The following C11orf98 variants were observed in gnomAD, a reference collection of about 807,000 sequenced individuals.
C11orf98 encodes 28S rRNA/ribosome and sororin micro-cofactor.
A neutral mutation model predicts 10.9 loss-of-function variants in C11orf98; 7 were observed. The observed-to-expected ratio is 0.64, with a 90% CI of 0.37 to 1.21. C11orf98 has a LOEUF of 1.21. Among genes scored for constraint, C11orf98 ranks in the 50% most tolerant of loss-of-function variants. C11orf98 has a pLI of 0.02. For missense variants in C11orf98, 181 were observed against 153.7 expected, an observed-to-expected ratio of 1.18 and a Z score of -0.94; for synonymous variants, 70 against 57.2, an observed-to-expected ratio of 1.22 and a Z score of -1.01.
In C11orf98 at chr11:62,663,153, G is replaced by A; in HGVS notation, c.269C>T (p.Ala90Val). The change falls in exon 4 of 4, where the codon GCC becomes GTC. Residue 90 changes from alanine (A) to valine (V), a missense_variant. By Grantham distance (64) the Ala-to-Val change is moderately conservative. Transcript: ENST00000524958. ...QKEKTAMEVE[A>V]PSKPARTSEP... ...ACTAGTCCTGGCTGGCTTTGAAGGG[G>A]CTTCCACTGAGTAAAGGGAAGAAGG... The A allele has an allele frequency of 6.2e-7, 1 of 1,614,036 alleles. No homozygotes were observed. Among genetic ancestry groups the A allele is most frequent in the Non-Finnish European group, 8.5e-7 (1 of 1,179,926 alleles).
At chr11:62,663,422 A>C in intron 2 of C11orf98, 89 bp from the exon 3 acceptor site, 1 of 1,385,876 alleles carries the variant, frequency 7.2e-7, no homozygotes, top group Non-Finnish European at 9.9e-7. Flanking sequence ...AAAGTATTAA[A>C]TAGGCTGGGC....
chr11:62,663,249 C>A lies in C11orf98; in HGVS notation c.249G>T (p.Lys83Asn). 6.2e-7 allele frequency: 1 copy of A among 1,614,186 alleles called. No homozygotes were observed. The highest frequency in any genetic ancestry group is 8.5e-7 in the Non-Finnish European group (1 of 1,180,044). ...LQQIRLAQKE[K>N]TAMEVEAPSK... is the part of the protein sequence containing the mutation. ...TCCCAGCCTCACCTTCCATGGCTGTCTTCTCTTTCTGGGCAAGCCGGATCT... is the reference window on the plus strand; with the variant it reads ...TCCCAGCCTCACCTTCCATGGCTGTATTCTCTTTCTGGGCAAGCCGGATCT... Residue 83 changes from lysine to asparagine, a missense_variant, in exon 3 of 4, where the codon AAG (lysine) becomes AAT (asparagine). By Grantham distance (94) the Lys-to-Asn change is moderately conservative. Coordinates refer to ENST00000524958, the MANE Select transcript of C11orf98 (RefSeq NM_001286086.2).
chr11:62,664,218 C>T (rs1329714269), intron 2 of C11orf98, among the ~76,000 whole-genome samples: 2 of 151,026 alleles, frequency 1.3e-5, no homozygotes, highest in African/African-American at 2.4e-5. Flanking sequence ...GAGTTTTATG[C>T]GCCTATGTGT....
rs773133062 is a variant in C11orf98, at chr11:62,663,001, A to C, written c.*49T>G. ...TTTGTCAAAGTCCTCTGAAACAACC[A>C]CTGAGTCTGAAGGCTGGCTCCAGTT... On this transcript the variant is annotated 3_prime_UTR_variant, in exon 4 of 4. Coordinates refer to ENST00000524958, the MANE Select transcript of C11orf98 (RefSeq NM_001286086.2). The C allele has an allele frequency of 1.9e-4, 265 of 1,411,422 alleles. No homozygotes were observed. The highest frequency in any genetic ancestry group is 7.7e-4 in the Middle Eastern group (3 of 3,908). The allele number at this position is 1,411,422 out of a possible 1,614,324, so 87.4% of individuals were successfully genotyped here. A position where few individuals can be genotyped will look rare whatever the true frequency, so the allele number is the denominator to read the frequency against.
At position 62,664,890 on chromosome 11, in the gene C11orf98, T is replaced by C; in HGVS notation, c.123A>G (p.Ile41Met). ...RLRHRVVGAV[I>M]DQGLITRHHL... ...GGTGCCGCGTGATCAGCCCTTGGTC[T>C]ATCACAGCCCCGACCACCCGGTGCC... is the stretch of plus-strand genomic sequence containing the variant. The change falls in exon 2 of 4, where the codon ATA becomes ATG. Residue 41 changes from isoleucine to methionine, a missense_variant. Coordinates refer to ENST00000524958, the MANE Select transcript of C11orf98 (RefSeq NM_001286086.2). The C allele has an allele frequency of 1.9e-6, 3 of 1,589,712 alleles. No individual in the cohort carries two copies. In the South Asian group the frequency reaches 3.4e-5, roughly 18 times the overall value.
At chr11:62,664,723 G>T in intron 2 of C11orf98, 126 bp downstream of exon 2, 2 of 1,272,764 alleles carry the variant, frequency 1.6e-6, no homozygotes, top group Non-Finnish European at 2.2e-6. Flanking sequence ...ACTAACAGCC[G>T]ACAGACATTC....
chr11:62,665,071 G>C (rs1269933795), intron 1 of C11orf98, 60 bp downstream of exon 1: 1 of 1,548,946 alleles, frequency 6.5e-7, no homozygotes, highest in Non-Finnish European at 8.7e-7. Context: ...CCCATCTCGT[G>C]CGAGATAAAA....
chr11:62,664,323 ATTCT>A (rs1285402391), intron 2 of C11orf98, among the ~76,000 whole-genome samples: 7 of 124,058 alleles, frequency 5.6e-5, no homozygotes, highest in Admixed American at 2.8e-4. Context: ...ATTTCCTGAT[ATTCT>A]TTTTTTTTTT....
intron 3 of C11orf98, 38 bp downstream of exon 3, chr11:62,663,198 T>C (rs774795533): frequency 4.6e-5 from 75 of 1,613,684 alleles, no homozygotes; most frequent in Non-Finnish European, 6.2e-5. Flanking sequence ...CCCAAATAAA[T>C]CCAGGATTCC....
chr11:62,663,132 G>C lies in C11orf98; in HGVS notation c.290C>G (p.Thr97Ser). ...TTGCCTTTTGAGCTGTGGTTCACTA[G>C]TCCTGGCTGGCTTTGAAGGGGCTTC... ...EVEAPSKPAR[T>S]SEPQLKRQKK... Residue 97 changes from threonine (T) to serine (S), a missense_variant, in exon 4 of 4, where the codon ACT becomes AGT. Thr to Ser is a moderately conservative substitution (Grantham distance 58). Transcript: ENST00000524958. 6.2e-7 allele frequency: 1 copy of C among 1,614,112 alleles called. No homozygotes were observed. The highest frequency in any genetic ancestry group is 8.5e-7 in the Non-Finnish European group (1 of 1,179,990).
In C11orf98 at chr11:62,663,013, G is replaced by T. The variant is rs756236311; in HGVS notation, c.*37C>A. ...CTCTGAAACAACCACTGAGTCTGAA[G>T]GCTGGCTCCAGTTGAGAATCTTCTA... is the stretch of plus-strand genomic sequence containing the variant. On this transcript the variant is annotated 3_prime_UTR_variant, in exon 4 of 4. Coordinates refer to ENST00000524958, the MANE Select transcript of C11orf98 (RefSeq NM_001286086.2). 1 of 1,476,188 alleles carries T rather than the reference G, an allele frequency of 6.8e-7. No homozygotes were observed. Among genetic ancestry groups the T allele is most frequent in the Non-Finnish European group, 9.4e-7 (1 of 1,067,240 alleles). The allele number at this position is 1,476,188 out of a possible 1,614,324, so 91.4% of individuals were successfully genotyped here.
rs539060909 is a variant in C11orf98 at position 62,663,407 on chromosome 11, T to C, written c.165-74A>G. 3.2e-5 allele frequency: 47 copies of C among 1,476,406 alleles called. No individual in the cohort carries two copies. The South Asian group carries it at 4.9e-4, about 15-fold the overall frequency. The allele number at this position is 1,476,406 out of a possible 1,614,324, so 91.5% of individuals were successfully genotyped here. A position where few individuals can be genotyped will look rare whatever the true frequency, so the allele number is the denominator to read the frequency against. ...GAGGTCACACAAATAGTTCTGGCTA[T>C]AGAAAAAGTATTAAATAGGCTGGGC... On this transcript the variant is annotated intron_variant, in intron 2 of 3. Transcript: ENST00000524958.
At position 62,663,261 on chromosome 11, in the gene C11orf98, G is replaced by A; in HGVS notation, c.237C>T (p.Ala79=). ...CTTCCATGGCTGTCTTCTCTTTCTGGGCAAGCCGGATCTGCTGGAGGAGTT... is the reference window on the plus strand; with the variant it reads ...CTTCCATGGCTGTCTTCTCTTTCTGAGCAAGCCGGATCTGCTGGAGGAGTT... ...RRKLLQQIRL[A]QKEKTAMEVE... The change falls in exon 3 of 4, where the codon GCC becomes GCT. Residue 79 remains alanine (A), a synonymous_variant. Coordinates refer to ENST00000524958, the MANE Select transcript of C11orf98 (RefSeq NM_001286086.2). 9 of 1,614,140 alleles carry A rather than the reference G, an allele frequency of 5.6e-6. No individual in the cohort carries two copies. Among genetic ancestry groups the A allele is most frequent in the Non-Finnish European group, 7.6e-6 (9 of 1,180,026 alleles).
chr11:62,664,980 G>A lies in C11orf98; in HGVS notation c.40-7C>T, dbSNP rs780030744. The A allele has an allele frequency of 2.5e-6, 4 of 1,610,266 alleles. No homozygotes were observed. The highest frequency in any genetic ancestry group is 3.4e-6 in the Non-Finnish European group (4 of 1,179,790). On this transcript the variant is annotated splice_region_variant and splice_polypyrimidine_tract_variant and intron_variant, in intron 1 of 3. Transcript: ENST00000524958. ...ACAGCTTCTTCTTCAGCTCCTGCCG[G>A]GGAGAAAGATGCGAATCAGATGGAG... is the stretch of plus-strand genomic sequence containing the variant.
Position 62,663,014 on chromosome 11 carries a change from G to A in C11orf98, c.*36C>T, listed in dbSNP as rs780394568. ...TCTGAAACAACCACTGAGTCTGAAGGCTGGCTCCAGTTGAGAATCTTCTAG... is the reference window on the plus strand; with the variant it reads ...TCTGAAACAACCACTGAGTCTGAAGACTGGCTCCAGTTGAGAATCTTCTAG... On this transcript the variant is annotated 3_prime_UTR_variant, in exon 4 of 4. Transcript: ENST00000524958. 9 of 1,476,458 alleles carry A rather than the reference G, an allele frequency of 6.1e-6. No individual in the cohort carries two copies. The highest frequency in any genetic ancestry group is 3.7e-6 in the Non-Finnish European group (4 of 1,067,522). 91.5% of individuals were successfully genotyped at this position (1,476,458 alleles called of 1,614,324 possible). A position where few individuals can be genotyped will look rare whatever the true frequency, so the allele number is the denominator to read the frequency against.
At chr11:62,664,680 A>T (rs1944746084) in intron 2 of C11orf98, among the ~76,000 whole-genome samples, 169 bp downstream of exon 2, 1 of 152,148 alleles carries the variant, frequency 6.6e-6, no homozygotes, top group Non-Finnish European at 1.5e-5. Context: ...GTTGTCTGCT[A>T]CAGGTATTGT....
intron 3 of C11orf98, 35 bp downstream of exon 3, chr11:62,663,201 A>G (rs1944699698): frequency 6.2e-7 from 1 of 1,613,692 alleles, no homozygotes. Context: ...AAATAAATCC[A>G]GGATTCCCCT....
chr11:62,663,538 CA>C (rs1234310963), intron 2 of C11orf98, among the ~76,000 whole-genome samples: 1 of 151,828 alleles, frequency 6.6e-6, no homozygotes, highest in Admixed American at 6.6e-5. Flanking sequence ...ACTAAAAATA[CA>C]AAACATTAGC....
At chr11:62,663,600 A>C (rs1468316241) in intron 2 of C11orf98, among the ~76,000 whole-genome samples, 1 of 151,576 alleles carries the variant, frequency 6.6e-6, no homozygotes, top group Non-Finnish European at 1.5e-5. Flanking sequence ...AGGCTGCGGC[A>C]GGAGAATGGC....
Sources: gnomAD v4.1 joint callset for allele counts (sites outside exome capture counted in the v4.1 genomes callset) on GRCh38, gnomAD v4.1.1 for gene constraint, MANE v1.5 for transcripts, NCBI Gene and HGNC (gene_info 2026-07-23, HGNC 2026-07-21) for gene names.